PREP: variants seen among roughly 807,000 people sequenced by gnomAD.
The protein encoded by PREP is prolyl endopeptidase, also known as dJ355L5.1 (prolyl endopeptidase).
PREP carries 29 observed loss-of-function variants against 87.6 expected under a neutral mutation model. The observed-to-expected ratio is 0.33, with a 90% CI of 0.25 to 0.45. The LOEUF (loss-of-function observed/expected upper bound fraction) is 0.45, where lower values mean the gene tolerates loss of function less well. Among genes scored for constraint, PREP ranks in the 20% least tolerant of loss-of-function variants. The pLI is 1.00. For missense variants in PREP, 695 were observed against 886.5 expected (o/e 0.78, Z 2.74); for synonymous variants, 337 against 328.6 (o/e 1.03, Z -0.28).
Position 105,377,410 on chromosome 6 carries a change from C to A in PREP, c.230G>T (p.Ser77Ile). The A allele has an allele frequency of 6.2e-7, 1 of 1,611,270 alleles. No homozygotes were observed. The highest frequency in any genetic ancestry group is 8.5e-7 in the Non-Finnish European group (1 of 1,179,248). The change falls in exon 3 of 15, where the codon AGT becomes ATT. Residue 77 changes from serine to isoleucine, a missense_variant. Transcript: ENST00000652536. ...MTELYDYPKY[S>I]CHFKKGKRYF... ...CCGTTTTCCTTTCTTGAAGTGGCAA[C>A]TATACTTGGGATAATCATATAGTTC...
At chr6:105,301,620 A>ACAG (rs1340157654) in intron 10 of PREP, among the ~76,000 whole-genome samples, 1 of 152,236 alleles carries the variant, frequency 6.6e-6, no homozygotes, top group African/African-American at 2.4e-5. Flanking sequence ...GGCAGAAAAT[A>ACAG]CAGAAGGAAA....
intron 2 of PREP, among the ~76,000 whole-genome samples, chr6:105,391,653 C>T (rs1562228548): frequency 6.6e-6 from 1 of 152,188 alleles, no homozygotes; most frequent in African/African-American, 2.4e-5. Context: ...AACAGGCATG[C>T]AGAAAGTGGC....
chr6:105,396,881 T>TAC (rs1773297883), intron 2 of PREP, among the ~76,000 whole-genome samples: 1 of 152,002 alleles, frequency 6.6e-6, no homozygotes, highest in African/African-American at 2.4e-5. Context: ...CTTAATTAAC[T>TAC]ACATAAAGTA....
intron 6 of PREP, among the ~76,000 whole-genome samples, chr6:105,357,638 G>A (rs934253204): frequency 6.6e-6 from 1 of 152,124 alleles, no homozygotes; most frequent in African/African-American, 2.4e-5. Context: ...AAAATGTACA[G>A]ACTAAAAATA....
rs143075222 is a variant in PREP, at chr6:105,369,810, AAAACAAAC to A, written c.596-794_596-787del. ...ATATACAAAGAACTCAGCAATAAGA[AAAACAAAC>A]AAACAAACAAACAAACAAAAAAACG... On this transcript the variant is annotated intron_variant, in intron 5 of 14. Coordinates refer to ENST00000652536, the MANE Select transcript of PREP (RefSeq NM_002726.5). Among the ~76,000 whole-genome samples, 385 of 152,258 alleles carry A rather than the reference AAAACAAAC, an allele frequency of 2.5e-3. 3 individuals carry two copies. Among genetic ancestry groups the A allele is most frequent in the African/African-American group, 8.7e-3 (363 of 41,518 alleles).
At chr6:105,285,175 G>A (rs961909408) in intron 12 of PREP, among the ~76,000 whole-genome samples, 3 of 152,098 alleles carry the variant, frequency 2.0e-5, no homozygotes, top group Admixed American at 6.5e-5. Flanking sequence ...AAAGCTCTCC[G>A]AGATTCACTC....
intron 7 of PREP, among the ~76,000 whole-genome samples, chr6:105,338,787 C>T (rs958818169): frequency 1.3e-5 from 2 of 152,260 alleles, no homozygotes; most frequent in African/African-American, 4.8e-5. Flanking sequence ...GCCTTGCTCG[C>T]TGCTAGCACA....
chr6:105,393,860 T>C (rs1324519334), intron 2 of PREP, among the ~76,000 whole-genome samples: 2 of 152,080 alleles, frequency 1.3e-5, no homozygotes, highest in Non-Finnish European at 2.9e-5. Context: ...ATAAGAGAGC[T>C]ACAGATGTTT....
At chr6:105,301,677 AT>A (rs1169350167) in intron 10 of PREP, among the ~76,000 whole-genome samples, 2 of 152,198 alleles carry the variant, frequency 1.3e-5, no homozygotes, top group African/African-American at 4.8e-5. Flanking sequence ...ATGGCTGGGC[AT>A]TTTGGTAACA....
chr6:105,359,346 G>T (rs1339872282), intron 6 of PREP, among the ~76,000 whole-genome samples: 1 of 152,220 alleles, frequency 6.6e-6, no homozygotes, highest in African/African-American at 2.4e-5. Flanking sequence ...GGCATCTACA[G>T]GGTGGTGAGC....
At chr6:105,329,860 A>G (rs1380067452) in intron 8 of PREP, among the ~76,000 whole-genome samples, 1 of 152,234 alleles carries the variant, frequency 6.6e-6, no homozygotes, top group East Asian at 1.9e-4. Flanking sequence ...AACAAATGAC[A>G]GCCCTAAAGC....
At chr6:105,312,282 T>A (rs1246866757) in intron 10 of PREP, among the ~76,000 whole-genome samples, 7 of 152,198 alleles carry the variant, frequency 4.6e-5, no homozygotes, top group African/African-American at 1.4e-4. Flanking sequence ...TGTATACAAA[T>A]GTACACACAT....
At chr6:105,304,617 G>A (rs987947824) in intron 10 of PREP, among the ~76,000 whole-genome samples, 4 of 152,024 alleles carry the variant, frequency 2.6e-5, no homozygotes, top group African/African-American at 9.7e-5. Context: ...GCATCTATTT[G>A]CCTCTGTATC....
chr6:105,346,564 T>C (rs1344316624), intron 7 of PREP, among the ~76,000 whole-genome samples: 2 of 152,250 alleles, frequency 1.3e-5, no homozygotes, highest in Non-Finnish European at 2.9e-5. Context: ...AGTGAAAGTC[T>C]GGGCAAATCC....
At chr6:105,401,385 G>T (rs1773426648) in intron 1 of PREP, among the ~76,000 whole-genome samples, 1 of 152,170 alleles carries the variant, frequency 6.6e-6, no homozygotes, top group African/African-American at 2.4e-5. Context: ...GAGCTAGACT[G>T]TCACATGAAT....
intron 7 of PREP, among the ~76,000 whole-genome samples, chr6:105,337,124 T>C (rs1442157332): frequency 6.6e-6 from 1 of 152,220 alleles, no homozygotes; most frequent in Non-Finnish European, 1.5e-5. Context: ...TATTCGTTTT[T>C]CACTAGGAAT....
At position 105,286,263 on chromosome 6, in the gene PREP, C is replaced by T. The variant is rs527512065; in HGVS notation, c.1455-683G>A. 3.3e-5 allele frequency among the ~76,000 whole-genome samples: 5 copies of T among 152,258 alleles called. No homozygotes were observed. The South Asian group carries it at 1.0e-3, about 32-fold the overall frequency. On this transcript the variant is annotated intron_variant, in intron 11 of 14. Transcript: ENST00000652536. ...TTATCATTTTTTGAGTAACTTTCTC[C>T]AAACTGTTTTAAGTTGGAAAAAAGA...
intron 5 of PREP, among the ~76,000 whole-genome samples, chr6:105,370,745 A>C (rs904141990): frequency 6.6e-6 from 1 of 152,206 alleles, no homozygotes; most frequent in African/African-American, 2.4e-5. Flanking sequence ...ATGTATTATC[A>C]GTAAGCGAAA....
At chr6:105,360,983 C>G (rs977184697) in intron 6 of PREP, among the ~76,000 whole-genome samples, 2 of 152,068 alleles carry the variant, frequency 1.3e-5, no homozygotes, top group African/African-American at 4.8e-5. Context: ...ACATACCATA[C>G]ATGTATGAGT....
Sources: allele counts gnomAD v4.1 joint callset (sites outside exome capture counted in the v4.1 genomes callset), GRCh38; gene constraint gnomAD v4.1.1; transcripts MANE v1.5; gene names NCBI Gene and HGNC (gene_info 2026-07-23, HGNC 2026-07-21).